Variants in FNDC3B observed in about 807,000 individuals in gnomAD.
FNDC3B encodes fibronectin type III domain containing 3B, also known as fibronectin type III domain-containing protein 3B.
A neutral mutation model predicts 151.5 loss-of-function variants in FNDC3B; 12 were observed. The observed-to-expected ratio is 0.08, with a 90% confidence interval of 0.05 to 0.13. FNDC3B has a LOEUF of 0.13. FNDC3B is among the 10% of genes least tolerant of loss of function. The pLI, the probability that FNDC3B is intolerant of heterozygous loss-of-function variation, is 1.00. For missense variants in FNDC3B, 1,214 were observed against 1,505.3 expected (o/e 0.81, Z 3.20); for synonymous variants, 528 against 549.0 (o/e 0.96, Z 0.54).
intron 2 of FNDC3B, among the ~76,000 whole-genome samples, chr3:172,122,293 T>C (rs1020547774): frequency 6.8e-5 from 10 of 146,942 alleles, no homozygotes; most frequent in Non-Finnish European, 1.5e-4. Context: ...TTTTTTTTTT[T>C]CTCTCTCCTA....
rs907543128 is a variant in FNDC3B, at chr3:172,265,792, G to A, written c.790+14251G>A. ...GGAATGTTTTCAGGCCTAGATTTAC[G>A]GACACTGTACATAGTACCTACTACC... is the stretch of plus-strand genomic sequence containing the variant. On this transcript the variant is annotated intron_variant, in intron 6 of 25. Transcript: ENST00000415807. 4.6e-5 allele frequency among the ~76,000 whole-genome samples: 7 copies of A among 152,048 alleles called. No homozygotes were observed. In the South Asian group the frequency reaches 6.2e-4, roughly 14 times the overall value.
chr3:172,161,993 G>A (rs895849728), intron 3 of FNDC3B, among the ~76,000 whole-genome samples: 1 of 150,342 alleles, frequency 6.7e-6, no homozygotes, highest in Non-Finnish European at 1.5e-5. Context: ...TTTTTTTGGG[G>A]GGGGACAGAG....
In FNDC3B at chr3:172,183,979, T is replaced by A. The variant is rs79634888; in HGVS notation, c.188-42892T>A. ...GTACATGGCTAGATGTGTAACCTCC[T>A]CCTGATCCCCAGAATTACTTTAGGA... is the stretch of plus-strand genomic sequence containing the variant. On this transcript the variant is annotated intron_variant, in intron 3 of 25. Coordinates refer to ENST00000415807, the MANE Select transcript of FNDC3B (RefSeq NM_022763.4). Among the ~76,000 whole-genome samples, 573 of 152,312 alleles carry A rather than the reference T, an allele frequency of 3.8e-3. 4 individuals are homozygous for A. The highest frequency in any genetic ancestry group is 0.013 in the African/African-American group (553 of 41,574).
chr3:172,110,485 T>C (rs1056085175), intron 1 of FNDC3B, among the ~76,000 whole-genome samples: 26 of 152,024 alleles, frequency 1.7e-4, no homozygotes, highest in Admixed American at 3.9e-4. Flanking sequence ...GCTGGCCTAA[T>C]AGAAGGACCT....
At chr3:172,390,096 C>G (rs1332816511) in intron 25 of FNDC3B, among the ~76,000 whole-genome samples, 1 of 152,146 alleles carries the variant, frequency 6.6e-6, no homozygotes, top group Non-Finnish European at 1.5e-5. Flanking sequence ...AGAACATTCG[C>G]TGAGCATCTA....
At chr3:172,054,175 A>T (rs1183507237) in intron 1 of FNDC3B, among the ~76,000 whole-genome samples, 2 of 152,136 alleles carry the variant, frequency 1.3e-5, no homozygotes, top group African/African-American at 4.8e-5. Context: ...TCTCCTTTTA[A>T]GGTTAATACT....
chr3:172,223,123 T>C (rs1430980707), intron 3 of FNDC3B, among the ~76,000 whole-genome samples: 7 of 152,188 alleles, frequency 4.6e-5, no homozygotes, highest in Admixed American at 4.6e-4. Context: ...AAATTAGTGT[T>C]TTAATTAGGG....
rs1400044744 is a variant in FNDC3B at position 172,302,252 on chromosome 3, CCTT to C, written c.1061+3472_1061+3474del. ...TGAGTTCACCCATCAGACACACAAA[CCTT>C]CTTCTTTTTCAATAGCAGTCTCAGT... On this transcript the variant is annotated intron_variant, in intron 9 of 25. Coordinates refer to ENST00000415807, the MANE Select transcript of FNDC3B (RefSeq NM_022763.4). 9.8e-5 allele frequency: 15 copies of C among 152,356 alleles called. No individual in the cohort carries two copies. The East Asian group carries it at 2.9e-3, about 29-fold the overall frequency. 9.4% of individuals were successfully genotyped at this position (152,356 alleles called of 1,614,324 possible).
At chr3:172,220,221 A>G (rs374029606) in intron 3 of FNDC3B, among the ~76,000 whole-genome samples, 9 of 151,992 alleles carry the variant, frequency 5.9e-5, no homozygotes, top group East Asian at 3.9e-4. Context: ...GTGAAGTGGT[A>G]TCTCATCATG....
intron 3 of FNDC3B, among the ~76,000 whole-genome samples, chr3:172,187,817 G>T (rs373550332): frequency 2.6e-5 from 4 of 151,964 alleles, no homozygotes; most frequent in Non-Finnish European, 5.9e-5. Flanking sequence ...AGCGGATTTC[G>T]CCATGTTGCC....
intron 6 of FNDC3B, among the ~76,000 whole-genome samples, chr3:172,257,602 ACACACACG>A (rs1218427950): frequency 7.0e-6 from 1 of 143,530 alleles, no homozygotes; most frequent in Admixed American, 7.1e-5. Context: ...ACACACACAC[ACACACACG>A]CACTCTGAAA....
At chr3:172,356,107 A>G (rs1395601704) in intron 22 of FNDC3B, among the ~76,000 whole-genome samples, 1 of 152,186 alleles carries the variant, frequency 6.6e-6, no homozygotes, top group African/African-American at 2.4e-5. Context: ...TTGAGCCCTT[A>G]CTATATGGTA....
intron 3 of FNDC3B, among the ~76,000 whole-genome samples, chr3:172,178,524 A>G (rs1213956371): frequency 6.6e-6 from 1 of 152,218 alleles, no homozygotes; most frequent in Admixed American, 6.5e-5. Flanking sequence ...TCCATATTGT[A>G]AGACACTCAG....
chr3:172,353,520 A>G (rs1419539660), intron 22 of FNDC3B, among the ~76,000 whole-genome samples: 2 of 152,214 alleles, frequency 1.3e-5, no homozygotes, highest in East Asian at 1.9e-4. Flanking sequence ...TAAACAACCT[A>G]TAGTTGTTTA....
At chr3:172,302,838 G>A (rs1301317314) in intron 9 of FNDC3B, 1 of 151,460 alleles carries the variant, frequency 6.6e-6, no homozygotes, top group Non-Finnish European at 1.5e-5. Flanking sequence ...AAAATCTCCT[G>A]TCTCTGTGTG....
rs910419086 is a variant in FNDC3B, at chr3:172,251,545, A to G, written c.790+4A>G. 1 of 1,604,358 alleles carries G rather than the reference A, an allele frequency of 6.2e-7. No homozygotes were observed. Among genetic ancestry groups the G allele is most frequent in the African/African-American group, 1.3e-5 (1 of 74,804 alleles). On this transcript the variant is annotated splice_donor_region_variant and intron_variant, in intron 6 of 25. Transcript: ENST00000415807. ...TCGAATGATTCAGACTTGCAAGGTA[A>G]TACTCAAGATGTTTGCCATAGAGTG...
chr3:172,154,960 G>C (rs1722413293), intron 3 of FNDC3B, among the ~76,000 whole-genome samples: 2 of 152,152 alleles, frequency 1.3e-5, no homozygotes, highest in South Asian at 4.2e-4. Flanking sequence ...GTAGGTCAGA[G>C]CTGGAAACCA....
chr3:172,178,988 G>T (rs904695880), intron 3 of FNDC3B, among the ~76,000 whole-genome samples: 5 of 152,192 alleles, frequency 3.3e-5, no homozygotes, highest in African/African-American at 1.2e-4. Flanking sequence ...TTATGGTTTT[G>T]AAAAGGTTTA....
intron 1 of FNDC3B, among the ~76,000 whole-genome samples, chr3:172,106,023 A>G (rs1719627182): frequency 6.6e-6 from 1 of 152,214 alleles, no homozygotes; most frequent in Non-Finnish European, 1.5e-5. Flanking sequence ...ACTTGGAATC[A>G]CAGTTAACTA....
Sources: allele counts gnomAD v4.1 joint callset (sites outside exome capture counted in the v4.1 genomes callset), GRCh38; gene constraint gnomAD v4.1.1; transcripts MANE v1.5; gene names NCBI Gene and HGNC (gene_info 2026-07-23, HGNC 2026-07-21).